Variants in TSPAN12 observed in about 807,000 individuals in gnomAD.
TSPAN12 encodes the protein tetraspanin 12.
A neutral mutation model predicts 39.2 loss-of-function variants in TSPAN12; 19 were observed. The ratio of observed to expected loss-of-function variants is 0.49; its 90% CI spans 0.34 to 0.71. TSPAN12 has a LOEUF of 0.71. Among genes scored for constraint, TSPAN12 ranks in the 30% least tolerant of loss-of-function variants. The pLI is 0.01. For synonymous variants in TSPAN12, 119 were observed against 124.8 expected (o/e 0.95, Z 0.31); for missense variants, 314 against 359.9 (o/e 0.87, Z 1.03).
chr7:120,792,357 C>A (rs924604630), intron 7 of TSPAN12, among the ~76,000 whole-genome samples: 29 of 152,320 alleles, frequency 1.9e-4, no homozygotes, highest in African/African-American at 7.0e-4. Flanking sequence ...TCCCTCCCTC[C>A]CCAGGAGGTT....
chr7:120,839,041 ATTG>A (rs1794531422), intron 3 of TSPAN12, 129 bp from the exon 4 acceptor site: 3 of 942,526 alleles, frequency 3.2e-6, no homozygotes, highest in Non-Finnish European at 4.9e-6. Flanking sequence ...TAGTGACTGC[ATTG>A]TTATTTTCAA....
chr7:120,851,450 G>C (rs1794767416), intron 2 of TSPAN12, among the ~76,000 whole-genome samples: 1 of 152,062 alleles, frequency 6.6e-6, no homozygotes, highest in Non-Finnish European at 1.5e-5. Context: ...ATATAATGGT[G>C]AGATATGGGA....
intron 2 of TSPAN12, among the ~76,000 whole-genome samples, chr7:120,852,166 A>G (rs1179379239): frequency 1.3e-5 from 2 of 152,320 alleles, no homozygotes; most frequent in East Asian, 1.9e-4. Flanking sequence ...TGGGTTCCCA[A>G]TGTTTTTGTG....
At chr7:120,822,364 A>T (rs530458464) in intron 4 of TSPAN12, among the ~76,000 whole-genome samples, 1 of 152,088 alleles carries the variant, frequency 6.6e-6, no homozygotes, top group Non-Finnish European at 1.5e-5. Context: ...CCCTAAAGAA[A>T]GCAGATTCAA....
chr7:120,836,010 G>A (rs1794469767), intron 4 of TSPAN12, among the ~76,000 whole-genome samples: 1 of 152,318 alleles, frequency 6.6e-6, no homozygotes, highest in East Asian at 1.9e-4. Flanking sequence ...CATTTGAGGT[G>A]TTGGTACATA....
chr7:120,822,055 G>T (rs1794197245), intron 4 of TSPAN12, among the ~76,000 whole-genome samples: 1 of 152,052 alleles, frequency 6.6e-6, no homozygotes. Context: ...AACAAACTGA[G>T]GTTGGTCACA....
At chr7:120,827,507 A>G (rs1794312439) in intron 4 of TSPAN12, among the ~76,000 whole-genome samples, 1 of 152,230 alleles carries the variant, frequency 6.6e-6, no homozygotes, top group Non-Finnish European at 1.5e-5. Context: ...AAAATGATGT[A>G]TAAACAACGA....
intron 4 of TSPAN12, among the ~76,000 whole-genome samples, chr7:120,831,423 G>A (rs1794388458): frequency 6.6e-6 from 1 of 152,062 alleles, no homozygotes; most frequent in African/African-American, 2.4e-5. Flanking sequence ...AATGGATAAA[G>A]AAAATGTAGT....
Position 120,788,531 on chromosome 7 carries a change from T to C in TSPAN12, c.*61A>G. 6.3e-7 allele frequency: 1 copy of C among 1,576,988 alleles called. No homozygotes were observed. The highest frequency in any genetic ancestry group is 8.7e-7 in the Non-Finnish European group (1 of 1,146,898). On this transcript the variant is annotated 3_prime_UTR_variant, in exon 8 of 8. Transcript: ENST00000222747. ...ACATATTTCTGAAACACATAGTATG[T>C]ACTCAAAAATTCACAAGTCCAGTAA...
At chr7:120,810,932 T>C (rs1793970029) in intron 5 of TSPAN12, among the ~76,000 whole-genome samples, 1 of 152,220 alleles carries the variant, frequency 6.6e-6, no homozygotes, top group Non-Finnish European at 1.5e-5. Flanking sequence ...GAAATGTCCT[T>C]CATTTGATTT....
chr7:120,824,691 A>C (rs372006906), intron 4 of TSPAN12, among the ~76,000 whole-genome samples: 17 of 152,204 alleles, frequency 1.1e-4, no homozygotes, highest in African/African-American at 3.9e-4. Context: ...CTTTCTAAAA[A>C]GACAATATTT....
intron 6 of TSPAN12, among the ~76,000 whole-genome samples, chr7:120,810,006 T>C (rs1404153901): frequency 1.3e-5 from 2 of 152,196 alleles, no homozygotes; most frequent in Non-Finnish European, 2.9e-5. Flanking sequence ...ACAGCTATGA[T>C]TTTAACCAAG....
At chr7:120,825,830 C>T (rs1794274745) in intron 4 of TSPAN12, among the ~76,000 whole-genome samples, 1 of 152,208 alleles carries the variant, frequency 6.6e-6, no homozygotes, top group Non-Finnish European at 1.5e-5. Flanking sequence ...CACAGAGCCT[C>T]TGTTTTAGCT....
chr7:120,814,539 C>T (rs528089590), intron 5 of TSPAN12, among the ~76,000 whole-genome samples: 3 of 152,276 alleles, frequency 2.0e-5, no homozygotes, highest in South Asian at 2.1e-4. Flanking sequence ...AAAGTCTGGC[C>T]TCCCTCCATG....
Position 120,788,746 on chromosome 7 carries a change from G to A in TSPAN12, c.764C>T (p.Pro255Leu), listed in dbSNP as rs755361990. ...LWALYYDRRE[P>L]GTDQMMSLKN... ...CAAGGACATCATTTGGTCTGTCCCC[G>A]GCTCCCTTCTATCATAATACAGAGC... Residue 255 changes from proline to leucine, a missense_variant, in exon 8 of 8, where the codon CCG becomes CTG. Pro to Leu is a moderately conservative substitution (Grantham distance 98). Transcript: ENST00000222747. 3 of 1,614,110 alleles carry A rather than the reference G, an allele frequency of 1.9e-6. No homozygotes were observed. The highest frequency in any genetic ancestry group is 2.5e-6 in the Non-Finnish European group (3 of 1,180,010).
intron 4 of TSPAN12, among the ~76,000 whole-genome samples, chr7:120,818,804 A>G (rs911398094): frequency 1.3e-5 from 2 of 152,076 alleles, no homozygotes; most frequent in Non-Finnish European, 2.9e-5. Flanking sequence ...ATATACTCAG[A>G]TATCATTTCA....
intron 7 of TSPAN12, among the ~76,000 whole-genome samples, chr7:120,792,218 T>G (rs1584919640): frequency 6.6e-6 from 1 of 152,172 alleles, no homozygotes; most frequent in Admixed American, 6.5e-5. Context: ...CAGAATGGGG[T>G]TGCAGCTCCT....
intron 1 of TSPAN12, 24 bp from the exon 2 acceptor site, chr7:120,856,857 A>T: frequency 7.5e-7 from 1 of 1,329,678 alleles, no homozygotes; most frequent in Non-Finnish European, 1.1e-6. Flanking sequence ...GGGAGAGAGA[A>T]CACGGGACAT....
intron 2 of TSPAN12, among the ~76,000 whole-genome samples, chr7:120,851,262 A>G (rs1404133997): frequency 2.6e-5 from 4 of 152,204 alleles, no homozygotes; most frequent in African/African-American, 9.6e-5. Context: ...AGAAAAAGAA[A>G]GAGAGCATTG....
Sources: allele counts gnomAD v4.1 joint callset (sites outside exome capture counted in the v4.1 genomes callset), GRCh38; gene constraint gnomAD v4.1.1; transcripts MANE v1.5; gene names NCBI Gene and HGNC (gene_info 2026-07-23, HGNC 2026-07-21).